The following CGGBP1 variants were observed in gnomAD, a reference collection of about 807,000 sequenced individuals.
CGGBP1 encodes the protein CGG triplet repeat binding protein 1.
Under a neutral mutation model 11.4 loss-of-function variants are expected in CGGBP1, and 4 were observed. The ratio of observed to expected loss-of-function variants is 0.35; its 90% CI spans 0.17 to 0.80. The LOEUF (loss-of-function observed/expected upper bound fraction) is 0.80, where lower values mean the gene tolerates loss of function less well. Ranked by LOEUF, CGGBP1 falls within the 30% of genes least tolerant of loss-of-function variation. The pLI, the probability that CGGBP1 is intolerant of heterozygous loss-of-function variation, is 0.52. For missense variants in CGGBP1, 135 were observed against 202.1 expected (o/e 0.67, Z 2.01); for synonymous variants, 76 against 74.1 (o/e 1.03, Z -0.13).
At chr3:88,132,141 C>T (rs1318936105) in intron 2 of CGGBP1, among the ~76,000 whole-genome samples, 1 of 152,048 alleles carries the variant, frequency 6.6e-6, no homozygotes, top group Non-Finnish European at 1.5e-5. Context: ...TGTGTTCAAG[C>T]CATTCAGCTA....
chr3:88,059,298 C>G (rs1258488277), upstream of CGGBP1: 1 of 1,531,922 alleles, frequency 6.5e-7, no homozygotes, highest in Non-Finnish European at 8.7e-7. Flanking sequence ...GGGGCTGGTA[C>G]GCGCTGGGCG....
chr3:88,117,090 G>A (rs1331282874), intron 2 of CGGBP1, among the ~76,000 whole-genome samples: 2 of 152,066 alleles, frequency 1.3e-5, no homozygotes, highest in African/African-American at 4.8e-5. Flanking sequence ...CAACCCGAAA[G>A]AACATACAGA....
chr3:88,119,075 C>G (rs1705593850), intron 2 of CGGBP1, among the ~76,000 whole-genome samples: 1 of 149,642 alleles, frequency 6.7e-6, no homozygotes, highest in Non-Finnish European at 1.5e-5. Flanking sequence ...GCTATAAAGA[C>G]ACATGCACAC....
chr3:88,091,925 A>G (rs1038472988), intron 2 of CGGBP1, among the ~76,000 whole-genome samples: 22 of 152,196 alleles, frequency 1.4e-4, no homozygotes, highest in African/African-American at 4.8e-4. Flanking sequence ...TCTTCATAGC[A>G]GTATGAAAAT....
At chr3:88,083,422 A>G (rs372700235) in intron 2 of CGGBP1, among the ~76,000 whole-genome samples, 2 of 152,314 alleles carry the variant, frequency 1.3e-5, no homozygotes, top group South Asian at 2.1e-4. Context: ...AGAGCAGAGT[A>G]TATGCTCTTG....
At chr3:88,058,451 C>CGGGCGG (rs893927620) in intron 1 of CGGBP1, among the ~76,000 whole-genome samples, 5 of 152,120 alleles carry the variant, frequency 3.3e-5, no homozygotes, top group Non-Finnish European at 5.9e-5. Context: ...CCCGGGGGTT[C>CGGGCGG]GGGCGGGGGC....
At chr3:88,114,627 T>C (rs1705281236) in intron 2 of CGGBP1, among the ~76,000 whole-genome samples, 1 of 152,200 alleles carries the variant, frequency 6.6e-6, no homozygotes, top group Admixed American at 6.5e-5. Context: ...CTTTTGTTAC[T>C]GTGGCTTCTT....
chr3:88,119,395 G>T (rs1483595024), intron 2 of CGGBP1, among the ~76,000 whole-genome samples: 2 of 4,182 alleles, frequency 4.8e-4, no homozygotes, highest in Non-Finnish European at 5.5e-3. Flanking sequence ...TGGGGTGGGG[G>T]GAGGGGGGAG....
intron 2 of CGGBP1, among the ~76,000 whole-genome samples, chr3:88,066,981 T>G (rs1223614748): frequency 1.3e-5 from 2 of 149,638 alleles, no homozygotes; most frequent in East Asian, 3.9e-4. Context: ...TGGGAGGAGG[T>G]TGAATTGTAT....
intron 2 of CGGBP1, among the ~76,000 whole-genome samples, chr3:88,076,124 TAA>T (rs1181085898): frequency 6.6e-6 from 1 of 152,260 alleles, no homozygotes; most frequent in Non-Finnish European, 1.5e-5. Flanking sequence ...CCCTGCTTTT[TAA>T]TTTATCAAAT....
At chr3:88,118,309 T>C (rs1197795415) in intron 2 of CGGBP1, among the ~76,000 whole-genome samples, 2 of 152,140 alleles carry the variant, frequency 1.3e-5, no homozygotes, top group Non-Finnish European at 2.9e-5. Flanking sequence ...GGAGGTGGTA[T>C]GGGATATCAT....
intron 2 of CGGBP1, among the ~76,000 whole-genome samples, chr3:88,088,712 A>G (rs1708465435): frequency 8.2e-6 from 1 of 122,596 alleles, no homozygotes; most frequent in South Asian, 3.4e-4. Flanking sequence ...TTAGATTTGT[A>G]AGAGTGAGGC....
intron 2 of CGGBP1, among the ~76,000 whole-genome samples, chr3:88,093,963 ACAATTATTCAACACCTTAAC>A (rs904341442): frequency 6.6e-6 from 1 of 152,176 alleles, no homozygotes. Context: ...ATATTGACGA[ACAATTATTCAACACCTTAAC>A]CAATTTTGTA....
intron 2 of CGGBP1, among the ~76,000 whole-genome samples, chr3:88,119,200 C>T (rs1409003554): frequency 6.8e-6 from 1 of 147,396 alleles, no homozygotes; most frequent in African/African-American, 2.5e-5. Context: ...GAATACTATG[C>T]AGCCATAAAA....
At chr3:88,081,894 A>G (rs1708095175) in intron 2 of CGGBP1, among the ~76,000 whole-genome samples, 2 of 152,196 alleles carry the variant, frequency 1.3e-5, no homozygotes, top group Non-Finnish European at 2.9e-5. Context: ...ATAGCTAGGA[A>G]ATACTTTTAT....
chr3:88,114,239 C>T (rs1194435239), intron 2 of CGGBP1, among the ~76,000 whole-genome samples: 1 of 152,020 alleles, frequency 6.6e-6, no homozygotes, highest in African/African-American at 2.4e-5. Flanking sequence ...GGGGATAGTG[C>T]TGGCATGGTG....
intron 2 of CGGBP1, chr3:88,138,730 G>A: frequency 8.1e-7 from 1 of 1,231,956 alleles, no homozygotes; most frequent in Non-Finnish European, 1.0e-6. Context: ...TTGCAAATTT[G>A]TGTTGAAATA....
intron 2 of CGGBP1, among the ~76,000 whole-genome samples, chr3:88,103,313 G>A (rs985320313): frequency 6.6e-6 from 1 of 152,100 alleles, no homozygotes; most frequent in Non-Finnish European, 1.5e-5. Flanking sequence ...AGATTCAAAT[G>A]GAAATTCTGG....
chr3:88,117,150 G>A (rs942639041), intron 2 of CGGBP1, among the ~76,000 whole-genome samples: 40 of 152,092 alleles, frequency 2.6e-4, no homozygotes, highest in Admixed American at 6.5e-4. Flanking sequence ...GTACAGTGAA[G>A]GCAATTAGCA....
Sources: gnomAD v4.1 joint callset for allele counts (sites outside exome capture counted in the v4.1 genomes callset) on GRCh38, gnomAD v4.1.1 for gene constraint, MANE v1.5 for transcripts, NCBI Gene and HGNC (gene_info 2026-07-23, HGNC 2026-07-21) for gene names.